MYT1L: variants seen among roughly 807,000 people sequenced by gnomAD.
MYT1L encodes myelin transcription factor 1-like protein.
A neutral mutation model predicts 126.7 loss-of-function variants in MYT1L; 12 were observed. That is an observed-to-expected ratio of 0.09 (90% confidence interval 0.06 to 0.15). The LOEUF (loss-of-function observed/expected upper bound fraction) is 0.15. MYT1L is among the 10% of genes least tolerant of loss of function. MYT1L has a pLI of 1.00. For synonymous variants in MYT1L, 541 were observed against 604.2 expected (o/e 0.90, Z 1.53); for missense variants, 979 against 1,585.2 (o/e 0.62, Z 6.49).
intron 1 of MYT1L, among the ~76,000 whole-genome samples, chr2:2,310,361 A>C (rs898828934): frequency 6.6e-6 from 1 of 152,150 alleles, no homozygotes; most frequent in African/African-American, 2.4e-5. Flanking sequence ...CTTACACTTC[A>C]GTATACTCTA....
At chr2:2,179,063 C>T (rs957367771) in intron 2 of MYT1L, among the ~76,000 whole-genome samples, 33 of 152,164 alleles carry the variant, frequency 2.2e-4, no homozygotes, top group African/African-American at 8.0e-4. Context: ...GCAATACCTG[C>T]TCTGGGAGCC....
At chr2:1,815,835 A>G (rs1362607409) in intron 21 of MYT1L, among the ~76,000 whole-genome samples, 2 of 152,244 alleles carry the variant, frequency 1.3e-5, no homozygotes, top group Non-Finnish European at 2.9e-5. Flanking sequence ...TCTTAGCCAT[A>G]GATGGCTTTT....
At chr2:2,032,680 G>C (rs1399493310) in intron 4 of MYT1L, among the ~76,000 whole-genome samples, 1 of 91,492 alleles carries the variant, frequency 1.1e-5, no homozygotes. Flanking sequence ...CACACCCCTC[G>C]CAAGTGCCTC....
At chr2:2,244,778 T>C (rs73913276) in intron 2 of MYT1L, among the ~76,000 whole-genome samples, 11,379 of 152,244 alleles carry the variant, frequency 0.075, 693 homozygotes, top group South Asian at 0.19. Flanking sequence ...CTGAATGGGC[T>C]GCCCTGCAGC....
Position 2,122,893 on chromosome 2 carries a change from C to G in MYT1L, c.-304+49979G>C, listed in dbSNP as rs866943691. 1.8e-3 allele frequency among the ~76,000 whole-genome samples: 237 copies of G among 130,308 alleles called. 1 individual carries two copies. Among genetic ancestry groups the G allele is most frequent in the African/African-American group, 7.1e-3 (226 of 31,914 alleles). The allele number at this position is 130,308 out of a possible 152,430, so 85.5% of individuals were successfully genotyped here. On this transcript the variant is annotated intron_variant, in intron 3 of 24. Transcript: ENST00000647738. ...TGTGTGAGAGAGAGAGAGAGAGAGA[C>G]CAATGAGTAGAAGACAGAACTGGAT...
Position 1,811,934 on chromosome 2 carries a change from G to T in MYT1L, c.3081-2767C>A, listed in dbSNP as rs563795876. Among the ~76,000 whole-genome samples the T allele has an allele frequency of 6.6e-6, 1 of 152,180 alleles. No homozygotes were observed. Among genetic ancestry groups the T allele is most frequent in the Non-Finnish European group, 1.5e-5 (1 of 68,034 alleles). On this transcript the variant is annotated intron_variant, in intron 21 of 24. Coordinates refer to ENST00000647738, the MANE Select transcript of MYT1L (RefSeq NM_001303052.2). This position sits in a 1 kb window ranked among gnomAD's most constrained non-coding sequence, Gnocchi z 4.4. ...ACACTTCTGCTTCCCTAGCTTATCCGTAAATCTGCTTCTGAAGGCGAGCTG... is the reference window on the plus strand; with the variant it reads ...ACACTTCTGCTTCCCTAGCTTATCCTTAAATCTGCTTCTGAAGGCGAGCTG...
chr2:2,033,955 C>G (rs73913044), intron 4 of MYT1L, among the ~76,000 whole-genome samples: 1,871 of 152,242 alleles, frequency 0.012, 39 homozygotes, highest in African/African-American at 0.039. Flanking sequence ...CAGAGAGGGT[C>G]AGCTCAATTC....
rs920566696 is a variant in MYT1L, at chr2:2,115,716, C to T, written c.-304+57156G>A. Among the ~76,000 whole-genome samples the T allele has an allele frequency of 5.9e-5, 9 of 152,340 alleles. No individual in the cohort carries two copies. The East Asian group carries it at 9.7e-4, about 16-fold the overall frequency. On this transcript the variant is annotated intron_variant, in intron 3 of 24. Transcript: ENST00000647738. ...TTGTGCGGCATCTAGACTAGGAGGGCGCTGCCAAGGCAAGGCCCCCGCGGG... is the reference window on the plus strand; with the variant it reads ...TTGTGCGGCATCTAGACTAGGAGGGTGCTGCCAAGGCAAGGCCCCCGCGGG...
chr2:2,112,515 T>C (rs935627646), intron 3 of MYT1L, among the ~76,000 whole-genome samples: 1 of 152,174 alleles, frequency 6.6e-6, no homozygotes, highest in African/African-American at 2.4e-5. Context: ...CAGTGTGTGG[T>C]GGGGCATTGA....
intron 8 of MYT1L, among the ~76,000 whole-genome samples, chr2:1,964,821 C>T (rs73188465): frequency 4.5e-4 from 68 of 152,232 alleles, no homozygotes; most frequent in African/African-American, 1.6e-3. Flanking sequence ...TCTGTGCTTC[C>T]GGAAAGGCTT....
At chr2:1,835,610 G>C (rs1464548692) in intron 21 of MYT1L, among the ~76,000 whole-genome samples, 1 of 152,132 alleles carries the variant, frequency 6.6e-6, no homozygotes, top group Non-Finnish European at 1.5e-5. Context: ...CCCAGGTCCG[G>C]TGTGCTCAGG....
chr2:1,988,095 T>C (rs1219823768), intron 5 of MYT1L, among the ~76,000 whole-genome samples: 1 of 152,218 alleles, frequency 6.6e-6, no homozygotes, highest in Non-Finnish European at 1.5e-5. Context: ...CTTCATGTGC[T>C]TGTGAGACCT....
At chr2:2,212,837 C>T (rs553825301) in intron 2 of MYT1L, among the ~76,000 whole-genome samples, 8 of 152,284 alleles carry the variant, frequency 5.3e-5, no homozygotes, top group African/African-American at 1.9e-4. Flanking sequence ...TTTGTCATTC[C>T]ACCTAGCTCA....
chr2:2,098,679 A>C (rs1440582815), intron 3 of MYT1L, among the ~76,000 whole-genome samples: 1 of 152,222 alleles, frequency 6.6e-6, no homozygotes, highest in Non-Finnish European at 1.5e-5. Flanking sequence ...TCAACTTCCC[A>C]GTTAACCTTT....
At chr2:2,042,892 C>T (rs189144067) in intron 4 of MYT1L, among the ~76,000 whole-genome samples, 14 of 152,216 alleles carry the variant, frequency 9.2e-5, no homozygotes, top group Non-Finnish European at 1.5e-4. Context: ...GCCCTTCCCC[C>T]CTGCTCTTCC....
intron 5 of MYT1L, among the ~76,000 whole-genome samples, chr2:1,991,484 T>G (rs1188644400): frequency 1.3e-5 from 2 of 152,074 alleles, no homozygotes; most frequent in Non-Finnish European, 2.9e-5. Context: ...GCCACCATGT[T>G]GTCCAGGCTG....
chr2:2,104,868 G>A (rs1426477635), intron 3 of MYT1L, among the ~76,000 whole-genome samples: 4 of 152,254 alleles, frequency 2.6e-5, no homozygotes, highest in African/African-American at 9.6e-5. Context: ...GTTCTCATCC[G>A]AAGTTCTGAA....
chr2:2,325,106 T>C (rs551544953), intron 1 of MYT1L: 2 of 152,456 alleles, frequency 1.3e-5, no homozygotes, highest in African/African-American at 4.8e-5. Flanking sequence ...TCTAAAAATA[T>C]CTCTCGTATC....
intron 11 of MYT1L, among the ~76,000 whole-genome samples, chr2:1,916,991 G>A (rs2052935893): frequency 1.3e-5 from 2 of 152,220 alleles, no homozygotes; most frequent in African/African-American, 2.4e-5. Context: ...AGCTTTGTTA[G>A]GGGCGGTGGG....
Sources: allele counts gnomAD v4.1 joint callset (sites outside exome capture counted in the v4.1 genomes callset), GRCh38; gene constraint gnomAD v4.1.1; non-coding constraint Gnocchi (gnomAD v3.1); transcripts MANE v1.5; gene names NCBI Gene and HGNC (gene_info 2026-07-23, HGNC 2026-07-21).